Variants in SNTG1 observed in about 807,000 individuals in gnomAD.
The protein encoded by SNTG1 is syntrophin gamma 1, also known as gamma-1-syntrophin.
In SNTG1, 39 loss-of-function variants were observed where a neutral mutation model predicts 74.7. That is an observed-to-expected ratio of 0.52 (90% CI 0.40 to 0.68). The LOEUF (loss-of-function observed/expected upper bound fraction) is 0.68, where lower values mean the gene tolerates loss of function less well. SNTG1 is among the 30% of genes least tolerant of loss of function. SNTG1 has a pLI of 0.00. For missense variants in SNTG1, 685 were observed against 609.5 expected (o/e 1.12, Z -1.30); for synonymous variants, 254 against 217.1 (o/e 1.17, Z -1.49).
intron 16 of SNTG1, among the ~76,000 whole-genome samples, chr8:50,705,094 C>G (rs944475148): frequency 6.6e-6 from 1 of 152,066 alleles, no homozygotes; most frequent in African/African-American, 2.4e-5. Context: ...AATATGACCT[C>G]CTAATTTCCA....
At chr8:50,021,760 T>C (rs1336332438) in intron 1 of SNTG1, among the ~76,000 whole-genome samples, 1 of 151,738 alleles carries the variant, frequency 6.6e-6, no homozygotes, top group Non-Finnish European at 1.5e-5. Context: ...ACACAGGGAA[T>C]CCCCATCTCT....
At chr8:50,768,181 A>G (rs894430610) in intron 18 of SNTG1, among the ~76,000 whole-genome samples, 4 of 151,938 alleles carry the variant, frequency 2.6e-5, no homozygotes, top group African/African-American at 9.7e-5. Flanking sequence ...CATAAGAGAA[A>G]TTTTCAAATA....
intron 9 of SNTG1, among the ~76,000 whole-genome samples, chr8:50,517,355 A>C (rs2094141920): frequency 6.6e-6 from 1 of 152,220 alleles, no homozygotes; most frequent in Non-Finnish European, 1.5e-5. Context: ...CAAATTGTAA[A>C]GACCATCAAT....
chr8:49,920,365 G>A (rs1335758315), intron 1 of SNTG1, among the ~76,000 whole-genome samples: 1 of 151,844 alleles, frequency 6.6e-6, no homozygotes. Context: ...TTCCTGTTTT[G>A]CAAATGGGAC....
chr8:50,295,051 T>TA (rs1269691018), intron 2 of SNTG1, among the ~76,000 whole-genome samples: 32 of 152,282 alleles, frequency 2.1e-4, no homozygotes, highest in African/African-American at 7.0e-4. Flanking sequence ...ACTTTGTACA[T>TA]AGTATATACC....
intron 8 of SNTG1, among the ~76,000 whole-genome samples, chr8:50,487,571 G>T (rs2093808231): frequency 6.6e-6 from 1 of 151,840 alleles, no homozygotes; most frequent in Non-Finnish European, 1.5e-5. Flanking sequence ...ATCATTCTCA[G>T]TAAACTATCG....
intron 2 of SNTG1, among the ~76,000 whole-genome samples, chr8:50,335,239 G>T (rs576838747): frequency 2.0e-4 from 30 of 152,242 alleles, no homozygotes; most frequent in African/African-American, 7.0e-4. Context: ...AGTCATAACA[G>T]ATAACCACAA....
At chr8:50,425,250 AGGAGG>A (rs2093147280) in intron 4 of SNTG1, among the ~76,000 whole-genome samples, 2 of 3,516 alleles carry the variant, frequency 5.7e-4, no homozygotes, top group African/African-American at 1.3e-3. Flanking sequence ...ACCAGTCAGC[AGGAGG>A]TGACTGCTGC....
intron 8 of SNTG1, among the ~76,000 whole-genome samples, chr8:50,459,913 G>T (rs1448591010): frequency 1.3e-5 from 2 of 152,048 alleles, no homozygotes; most frequent in Non-Finnish European, 2.9e-5. Context: ...ATCTTCCCTT[G>T]GTGGGGACTT....
At position 50,226,882 on chromosome 8, in the gene SNTG1, T is replaced by A. The variant is rs765082665; in HGVS notation, c.-28+54247T>A. ...AATATTTTCAAATATTTTACAGAGT[T>A]TGACTCTTTTCATCAACAGTATATT... On this transcript the variant is annotated intron_variant, in intron 2 of 18. Transcript: ENST00000642720. 9.2e-5 allele frequency among the ~76,000 whole-genome samples: 14 copies of A among 152,298 alleles called. No homozygotes were observed. In the Middle Eastern group the frequency reaches 0.014, roughly 148 times the overall value.
intron 4 of SNTG1, among the ~76,000 whole-genome samples, chr8:50,402,650 T>C (rs896766898): frequency 2.6e-5 from 4 of 152,208 alleles, no homozygotes; most frequent in African/African-American, 9.6e-5. Context: ...AATTGAGAAC[T>C]GTGCATGGTG....
chr8:50,143,297 A>G (rs1220320674), intron 1 of SNTG1, among the ~76,000 whole-genome samples: 1 of 152,072 alleles, frequency 6.6e-6, no homozygotes, highest in African/African-American at 2.4e-5. Flanking sequence ...CTAGTTTTCA[A>G]GTTTTGCCTT....
chr8:50,783,030 C>T (rs1375282163), intron 18 of SNTG1, among the ~76,000 whole-genome samples: 1 of 152,154 alleles, frequency 6.6e-6, no homozygotes, highest in Non-Finnish European at 1.5e-5. Flanking sequence ...TTTTCATGAA[C>T]CGCAAATGCT....
At chr8:50,674,326 G>C (rs1474016236) in intron 15 of SNTG1, among the ~76,000 whole-genome samples, 2 of 151,982 alleles carry the variant, frequency 1.3e-5, no homozygotes, top group African/African-American at 2.4e-5. Flanking sequence ...TGGTTGGTAG[G>C]CTATTAATTA....
intron 17 of SNTG1, among the ~76,000 whole-genome samples, chr8:50,719,521 T>C (rs1563778797): frequency 6.6e-6 from 1 of 152,206 alleles, no homozygotes; most frequent in Non-Finnish European, 1.5e-5. Context: ...TATTTTGTTA[T>C]AGCAGGAGGA....
Position 50,272,436 on chromosome 8 carries a change from T to A in SNTG1, c.-28+99801T>A, listed in dbSNP as rs114537735. ...CAGCTTCTTTGATTCCTGGGCCAGGTGTGCACAGAACTTTGTGCCATAACA... is the reference window on the plus strand; with the variant it reads ...CAGCTTCTTTGATTCCTGGGCCAGGAGTGCACAGAACTTTGTGCCATAACA... On this transcript the variant is annotated intron_variant, in intron 2 of 18. Transcript: ENST00000642720. 8.8e-3 allele frequency among the ~76,000 whole-genome samples: 1,340 copies of A among 152,288 alleles called. 24 individuals carry two copies. The highest frequency in any genetic ancestry group is 0.031 in the African/African-American group (1,269 of 41,560).
chr8:50,146,360 A>C (rs1423985159), intron 1 of SNTG1, among the ~76,000 whole-genome samples: 3 of 152,046 alleles, frequency 2.0e-5, no homozygotes, highest in Non-Finnish European at 4.4e-5. Flanking sequence ...TGTACTAAAT[A>C]CAAAAAAATT....
chr8:50,486,323 C>A (rs1385081409), intron 8 of SNTG1, among the ~76,000 whole-genome samples: 947 of 144,300 alleles, frequency 6.6e-3, no homozygotes, highest in African/African-American at 0.023. Context: ...CTTTTATTTC[C>A]TTGAGCAGTG....
chr8:50,617,219 TG>T (rs2131019509), intron 13 of SNTG1, among the ~76,000 whole-genome samples: 1 of 152,302 alleles, frequency 6.6e-6, no homozygotes, highest in East Asian at 1.9e-4. Flanking sequence ...AATACAAGCT[TG>T]GAAGGGAAGG....
Sources: gnomAD v4.1 joint callset for allele counts (sites outside exome capture counted in the v4.1 genomes callset) on GRCh38, gnomAD v4.1.1 for gene constraint, MANE v1.5 for transcripts, NCBI Gene and HGNC (gene_info 2026-07-23, HGNC 2026-07-21) for gene names.